SLC4A8: variants seen among roughly 807,000 people sequenced by gnomAD.
SLC4A8 encodes the protein solute carrier family 4 member 8, also known as electroneutral sodium bicarbonate exchanger 1.
A neutral mutation model predicts 125.0 loss-of-function variants in SLC4A8; 40 were observed. That is an observed-to-expected ratio of 0.32 (90% confidence interval 0.25 to 0.42). SLC4A8 has a LOEUF of 0.42. SLC4A8 is among the 10% of genes least tolerant of loss of function. The probability of loss-of-function intolerance (pLI) is 1.00; values close to 1 mark genes in which losing one functional copy is unlikely to be tolerated. For missense variants in SLC4A8, 863 were observed against 1,355.1 expected (o/e 0.64, Z 5.70); for synonymous variants, 456 against 476.0 (o/e 0.96, Z 0.55).
At chr12:51,481,564 AG>A (rs894652580) in intron 16 of SLC4A8, among the ~76,000 whole-genome samples, 1 of 152,096 alleles carries the variant, frequency 6.6e-6, no homozygotes, top group Admixed American at 6.6e-5. Context: ...GGGAGACAGC[AG>A]GGGGCAGGGG....
At chr12:51,416,987 C>T (rs770160899) in intron 1 of SLC4A8, among the ~76,000 whole-genome samples, 2 of 151,794 alleles carry the variant, frequency 1.3e-5, no homozygotes, top group African/African-American at 2.4e-5. Flanking sequence ...TAGCTGGCCA[C>T]GAGTGTGCCT....
In SLC4A8 at chr12:51,452,331, G is replaced by A. The variant is rs550931077; in HGVS notation, c.413+72G>A. 27 of 1,520,164 alleles carry A rather than the reference G, an allele frequency of 1.8e-5. 1 individual carries two copies. The South Asian group carries it at 2.3e-4, about 13-fold the overall frequency. 94.2% of individuals were successfully genotyped at this position (1,520,164 alleles called of 1,614,324 possible). A position where few individuals can be genotyped will look rare whatever the true frequency, so the allele number is the denominator to read the frequency against. On this transcript the variant is annotated intron_variant, in intron 4 of 24. Transcript: ENST00000453097. ...GTGTGTACCCTTCAGCAAGTGACAG[G>A]CCTGCCTGCCTTATTTCTTCTTGGG...
intron 1 of SLC4A8, among the ~76,000 whole-genome samples, chr12:51,395,265 G>A (rs1379523255): frequency 6.6e-6 from 1 of 152,090 alleles, no homozygotes; most frequent in Admixed American, 6.5e-5. Flanking sequence ...AAGCGCTTCT[G>A]CAGGACATGT....
At chr12:51,453,833 A>AAT in intron 5 of SLC4A8, 134 bp downstream of exon 5, 1 of 464,708 alleles carries the variant, frequency 2.2e-6, no homozygotes, top group East Asian at 5.8e-5. Flanking sequence ...CCTGGCCTCA[A>AAT]TGTCCTTGGC....
intron 8 of SLC4A8, 43 bp downstream of exon 8, chr12:51,460,151 A>G: frequency 1.3e-6 from 2 of 1,504,536 alleles, no homozygotes; most frequent in South Asian, 1.1e-5. Flanking sequence ...CCAAAATTCA[A>G]ATTTATGTAG....
chr12:51,416,792 T>C (rs1336897108), intron 1 of SLC4A8, among the ~76,000 whole-genome samples: 1 of 152,252 alleles, frequency 6.6e-6, no homozygotes, highest in Non-Finnish European at 1.5e-5. Context: ...CATTCAAAAG[T>C]AAGTTGTAGA....
At chr12:51,463,748 T>A in intron 11 of SLC4A8, 34 bp downstream of exon 11, 1 of 1,426,986 alleles carries the variant, frequency 7.0e-7, no homozygotes, top group African/African-American at 1.4e-5. Flanking sequence ...CGATGCTGCT[T>A]ATTGGGTAGA....
In SLC4A8 at chr12:51,508,833, T is replaced by A. The variant is rs1236503798; in HGVS notation, c.*1395T>A. 1 of 152,100 alleles carries A rather than the reference T, an allele frequency of 6.6e-6. No individual in the cohort carries two copies. The highest frequency in any genetic ancestry group is 1.9e-4 in the East Asian group (1 of 5,194). 9.4% of individuals were successfully genotyped at this position (152,100 alleles called of 1,614,324 possible). On this transcript the variant is annotated 3_prime_UTR_variant, in exon 25 of 25. Transcript: ENST00000453097. ...CATGTTAGTTTCCCATCCTGGAAAA[T>A]CTTTGTACAGTGGGAAGTTCCCCGA...
chr12:51,452,953 G>C (rs945129678), intron 4 of SLC4A8, among the ~76,000 whole-genome samples: 3 of 152,188 alleles, frequency 2.0e-5, no homozygotes, highest in Admixed American at 6.5e-5. Flanking sequence ...CACTGAAACA[G>C]CTCTTGCTGG....
intron 11 of SLC4A8, among the ~76,000 whole-genome samples, chr12:51,464,224 A>G (rs1950442884): frequency 6.6e-6 from 1 of 152,188 alleles, no homozygotes; most frequent in Non-Finnish European, 1.5e-5. Context: ...GCTCTATTAT[A>G]TTCCTAGGAC....
At chr12:51,496,263 T>C (rs1054295361) in intron 21 of SLC4A8, among the ~76,000 whole-genome samples, 14 of 152,378 alleles carry the variant, frequency 9.2e-5, no homozygotes, top group Admixed American at 3.3e-4. Flanking sequence ...CCTCATTCCT[T>C]GTCCAGTCAC....
chr12:51,400,417 G>A (rs1948349822), intron 1 of SLC4A8, among the ~76,000 whole-genome samples: 3 of 152,004 alleles, frequency 2.0e-5, no homozygotes, highest in Admixed American at 1.3e-4. Context: ...GTATAGATGT[G>A]TATAGGTTTT....
At chr12:51,504,975 C>T (rs996483162) in intron 23 of SLC4A8, among the ~76,000 whole-genome samples, 16 of 152,150 alleles carry the variant, frequency 1.1e-4, no homozygotes, top group African/African-American at 3.9e-4. Flanking sequence ...AGGAAAAGAG[C>T]AGGATATCTG....
chr12:51,407,336 G>A (rs1459116840), intron 1 of SLC4A8, among the ~76,000 whole-genome samples: 1 of 152,158 alleles, frequency 6.6e-6, no homozygotes, highest in Admixed American at 6.5e-5. Context: ...ATAGCTCGCT[G>A]TAGCCTGGAA....
intron 1 of SLC4A8, among the ~76,000 whole-genome samples, chr12:51,411,892 T>C (rs777806691): frequency 1.3e-5 from 2 of 151,838 alleles, no homozygotes; most frequent in Non-Finnish European, 2.9e-5. Context: ...TGAAACCCTT[T>C]CTCTACAAAA....
chr12:51,462,132 C>A, intron 9 of SLC4A8, 178 bp from the exon 10 acceptor site: 1 of 605,704 alleles, frequency 1.7e-6, no homozygotes, highest in Non-Finnish European at 2.9e-6. Flanking sequence ...CATTTCCACG[C>A]TTGTTTTTTA....
chr12:51,396,820 C>A (rs565634063), intron 1 of SLC4A8, among the ~76,000 whole-genome samples: 2 of 151,218 alleles, frequency 1.3e-5, no homozygotes, highest in East Asian at 1.9e-4. Context: ...GTTGAAAAAA[C>A]ATTTAAAACT....
At chr12:51,391,968 A>G (rs1213481830) in intron 1 of SLC4A8, 1 of 152,512 alleles carries the variant, frequency 6.6e-6, no homozygotes, top group Non-Finnish European at 1.5e-5. Context: ...GCTGCGCGCC[A>G]GCCTGGAGCG....
chr12:51,494,807 C>T, intron 20 of SLC4A8, 138 bp from the exon 21 acceptor site: 1 of 625,204 alleles, frequency 1.6e-6, no homozygotes, highest in Non-Finnish European at 2.6e-6. Flanking sequence ...CTTTTAAAGT[C>T]TCAGTTTCCA....
Sources: gnomAD v4.1 joint callset for allele counts (sites outside exome capture counted in the v4.1 genomes callset) on GRCh38, gnomAD v4.1.1 for gene constraint, MANE v1.5 for transcripts, NCBI Gene and HGNC (gene_info 2026-07-23, HGNC 2026-07-21) for gene names.